The following STK32B variants were observed in gnomAD, a reference collection of about 807,000 sequenced individuals.
The protein encoded by STK32B is serine/threonine kinase 32B.
STK32B carries 43 observed loss-of-function variants against 52.6 expected under a neutral mutation model. That is an observed-to-expected ratio of 0.82 (90% confidence interval 0.64 to 1.05). The LOEUF is 1.05. Among genes scored for constraint, STK32B ranks in the 50% least tolerant of loss-of-function variants. The pLI, the probability that STK32B is intolerant of heterozygous loss-of-function variation, is 0.00. For missense variants in STK32B, 621 were observed against 534.6 expected (o/e 1.16, Z -1.59); for synonymous variants, 238 against 204.3 (o/e 1.17, Z -1.41).
In STK32B at chr4:5,460,048, C is replaced by T. The variant is rs938974521; in HGVS notation, c.784-55C>T. Reference sequence around the variant, plus strand: ...CTGAGACCCCCTCCTTCAGAGTCCCCGCTAACCTTGAGGGATGCCCAATTC... The same window carrying T: ...CTGAGACCCCCTCCTTCAGAGTCCCTGCTAACCTTGAGGGATGCCCAATTC... On this transcript the variant is annotated intron_variant, in intron 8 of 11. Coordinates refer to ENST00000282908, the MANE Select transcript of STK32B (RefSeq NM_018401.3). This position sits in a 1 kb window ranked among gnomAD's most constrained non-coding sequence, Gnocchi z 4.8. The T allele has an allele frequency of 1.5e-5, 24 of 1,613,746 alleles. No homozygotes were observed. The highest frequency in any genetic ancestry group is 2.2e-5 in the East Asian group (1 of 44,882).
intron 3 of STK32B, among the ~76,000 whole-genome samples, chr4:5,210,251 C>T (rs925431040): frequency 6.6e-6 from 1 of 151,844 alleles, no homozygotes; most frequent in Non-Finnish European, 1.5e-5. Flanking sequence ...TTCTTCTTCT[C>T]CTCCTCCTCC....
intron 1 of STK32B, among the ~76,000 whole-genome samples, chr4:5,074,188 A>ATATGTGTG (rs375845988): frequency 6.7e-6 from 1 of 148,800 alleles, no homozygotes; most frequent in South Asian, 2.1e-4. Flanking sequence ...AAATATATAT[A>ATATGTGTG]TGTGTGTGTG....
intron 4 of STK32B, among the ~76,000 whole-genome samples, chr4:5,374,342 A>G (rs781253504): frequency 1.3e-5 from 2 of 152,256 alleles, no homozygotes; most frequent in African/African-American, 4.8e-5. Flanking sequence ...ATTCTATAAT[A>G]GACAAAATGC....
chr4:5,453,770 T>G lies in STK32B; in HGVS notation c.667-3037T>G, dbSNP rs941067493. 2.0e-5 allele frequency among the ~76,000 whole-genome samples: 3 copies of G among 151,892 alleles called. No homozygotes were observed. The highest frequency in any genetic ancestry group is 2.1e-4 in the South Asian group (1 of 4,806). ...AATAAAAAAGATTAGTGGGGCATGG[T>G]GACGCGTGCCTGTAATCCCAGCTAC... On this transcript the variant is annotated intron_variant, in intron 7 of 11. Coordinates refer to ENST00000282908, the MANE Select transcript of STK32B (RefSeq NM_018401.3). This position sits in a 1 kb window ranked among gnomAD's most constrained non-coding sequence, Gnocchi z 4.0.
chr4:5,134,916 T>C (rs1715987515), intron 1 of STK32B, among the ~76,000 whole-genome samples: 1 of 152,240 alleles, frequency 6.6e-6, no homozygotes, highest in South Asian at 2.1e-4. Flanking sequence ...CTTGGCTGTT[T>C]GAATAAACAG....
In STK32B at chr4:5,369,166, C is replaced by T. The variant is rs989381917; in HGVS notation, c.435-29041C>T. On this transcript the variant is annotated intron_variant, in intron 4 of 11. Transcript: ENST00000282908. ...ACTCTTCGCCTCTCCTCCCACTCTT[C>T]TTCCATCTCGCTGCTTGGATTGGAG... Among the ~76,000 whole-genome samples, 5 of 151,982 alleles carry T rather than the reference C, an allele frequency of 3.3e-5. No homozygotes were observed. The South Asian group carries it at 1.0e-3, about 32-fold the overall frequency.
chr4:5,460,268 C>T lies in STK32B; in HGVS notation c.909+40C>T, dbSNP rs1166392871. The T allele has an allele frequency of 4.4e-6, 7 of 1,584,304 alleles. No individual in the cohort carries two copies. Among genetic ancestry groups the T allele is most frequent in the African/African-American group, 2.7e-5 (2 of 74,486 alleles). On this transcript the variant is annotated intron_variant, in intron 9 of 11. Coordinates refer to ENST00000282908, the MANE Select transcript of STK32B (RefSeq NM_018401.3). The surrounding 1 kb of genome is among the most constrained non-coding windows in gnomAD (Gnocchi z 4.8). ...CACCTGATGTCATGCCACCCCTCTG[C>T]AGGGTCCCCGCCTTGGTGCAAAGCA...
intron 1 of STK32B, among the ~76,000 whole-genome samples, chr4:5,095,787 A>C (rs1399394949): frequency 6.6e-6 from 1 of 152,242 alleles, no homozygotes; most frequent in Non-Finnish European, 1.5e-5. Flanking sequence ...TCTCTGTGGC[A>C]GCATGGCCCA....
intron 1 of STK32B, among the ~76,000 whole-genome samples, chr4:5,126,768 C>G (rs1344317802): frequency 6.6e-6 from 1 of 152,144 alleles, no homozygotes; most frequent in South Asian, 2.1e-4. Flanking sequence ...GGCCGCCTAT[C>G]TCTCAACAAA....
At chr4:5,418,921 G>A (rs537863280) in intron 6 of STK32B, among the ~76,000 whole-genome samples, 1 of 152,310 alleles carries the variant, frequency 6.6e-6, no homozygotes, top group East Asian at 1.9e-4. Flanking sequence ...AATTCCACAT[G>A]GCCTGAGGAA....
chr4:5,155,580 G>T (rs903933103), intron 2 of STK32B, among the ~76,000 whole-genome samples: 6 of 152,120 alleles, frequency 3.9e-5, no homozygotes, highest in Admixed American at 6.6e-5. Context: ...ATCTCGAATT[G>T]TAATCCCTAC....
rs1182630485 is a variant in STK32B, at chr4:5,222,207, C to T, written c.260+53757C>T. ...CCACCAAGGCTCAGATATTTTTTTA[C>T]AGCAGCACAAACAGACCAAGACAGA... On this transcript the variant is annotated intron_variant, in intron 3 of 11. Transcript: ENST00000282908. 3.3e-5 allele frequency among the ~76,000 whole-genome samples: 5 copies of T among 152,140 alleles called. No individual in the cohort carries two copies. In the South Asian group the frequency reaches 1.0e-3, roughly 32 times the overall value.
intron 2 of STK32B, among the ~76,000 whole-genome samples, chr4:5,141,637 G>A (rs1371204080): frequency 2.6e-5 from 4 of 152,286 alleles, no homozygotes; most frequent in Admixed American, 6.5e-5. Flanking sequence ...GGGGAGCCCT[G>A]TGGGGAGAGG....
At chr4:5,373,651 G>A (rs1039471637) in intron 4 of STK32B, among the ~76,000 whole-genome samples, 1 of 152,138 alleles carries the variant, frequency 6.6e-6, no homozygotes, top group African/African-American at 2.4e-5. Context: ...ACACACCTTT[G>A]TGTCCCCCTT....
intron 3 of STK32B, among the ~76,000 whole-genome samples, chr4:5,185,810 C>G (rs12650617): frequency 3.9e-5 from 6 of 152,050 alleles, no homozygotes; most frequent in Admixed American, 3.3e-4. Flanking sequence ...GCTCCCGAAG[C>G]CCTCAGAATG....
In STK32B at chr4:5,460,604, A is replaced by C. The variant is rs1716958104; in HGVS notation, c.909+376A>C. Among the ~76,000 whole-genome samples, 1 of 152,154 alleles carries C rather than the reference A, an allele frequency of 6.6e-6. No homozygotes were observed. Among genetic ancestry groups the C allele is most frequent in the South Asian group, 2.1e-4 (1 of 4,828 alleles). ...CGACAGGGCAGTCAGCACTTGTTGCACAAGCTCGGAAGAGGGAGAGGTGGG... is the reference window on the plus strand; with the variant it reads ...CGACAGGGCAGTCAGCACTTGTTGCCCAAGCTCGGAAGAGGGAGAGGTGGG... On this transcript the variant is annotated intron_variant, in intron 9 of 11. Coordinates refer to ENST00000282908, the MANE Select transcript of STK32B (RefSeq NM_018401.3). The surrounding 1 kb of genome is among the most constrained non-coding windows in gnomAD (Gnocchi z 4.8).
rs1215851491 is a variant in STK32B, at chr4:5,499,989, G to C, written c.*906G>C. On this transcript the variant is annotated 3_prime_UTR_variant, in exon 12 of 12. Coordinates refer to ENST00000282908, the MANE Select transcript of STK32B (RefSeq NM_018401.3). ...ATCAGCTTGTCAGATTCTTCTTACAGAGAGTATCCAATCGGTATTGGTGGA... is the reference window on the plus strand; with the variant it reads ...ATCAGCTTGTCAGATTCTTCTTACACAGAGTATCCAATCGGTATTGGTGGA... The C allele has an allele frequency of 6.6e-6, 1 of 152,248 alleles. No individual in the cohort carries two copies. The highest frequency in any genetic ancestry group is 1.5e-5 in the Non-Finnish European group (1 of 68,058). 9.4% of individuals were successfully genotyped at this position (152,248 alleles called of 1,614,324 possible). A position where few individuals can be genotyped will look rare whatever the true frequency, so the allele number is the denominator to read the frequency against.
At chr4:5,169,782 G>A (rs1356392547) in intron 3 of STK32B, among the ~76,000 whole-genome samples, 2 of 152,028 alleles carry the variant, frequency 1.3e-5, no homozygotes, top group Non-Finnish European at 2.9e-5. Context: ...ACAGCAATAT[G>A]TGTTCTTGGC....
At chr4:5,357,632 C>T (rs538706753) in intron 4 of STK32B, among the ~76,000 whole-genome samples, 2 of 137,566 alleles carry the variant, frequency 1.5e-5, no homozygotes, top group Non-Finnish European at 3.0e-5. Context: ...ACTGTTACAG[C>T]CCTTTTGGAA....
Sources: gnomAD v4.1 joint callset for allele counts (sites outside exome capture counted in the v4.1 genomes callset) on GRCh38, gnomAD v4.1.1 for gene constraint, Gnocchi (gnomAD v3.1) non-coding constraint, MANE v1.5 for transcripts, NCBI Gene and HGNC (gene_info 2026-07-23, HGNC 2026-07-21) for gene names.